VTCN1: variants seen among roughly 807,000 people sequenced by gnomAD.
VTCN1 encodes the protein V-set domain containing T cell activation inhibitor 1.
Under a neutral mutation model 26.5 loss-of-function variants are expected in VTCN1, and 26 were observed. The observed-to-expected ratio is 0.98, with a 90% CI of 0.72 to 1.36. The LOEUF is 1.36. Ranked by LOEUF, VTCN1 falls within the 40% of genes most tolerant of loss-of-function variation. VTCN1 has a pLI of 0.00. For missense variants in VTCN1, 298 were observed against 337.7 expected (o/e 0.88, Z 0.92); for synonymous variants, 116 against 130.7 (o/e 0.89, Z 0.77).
At chr1:117,206,670 CTGTTG>C (rs746239217) in intron 1 of VTCN1, among the ~76,000 whole-genome samples, 140,848 of 152,160 alleles carry the variant, frequency 0.93, 65,466 homozygotes, top group Non-Finnish European at 0.97. Context: ...ATATTCATAT[CTGTTG>C]ATGCTGACTA....
In VTCN1 at chr1:117,156,817, C is replaced by T. The variant is rs368878065; in HGVS notation, c.202G>A (p.Val68Met). Reference sequence around the variant, plus strand: ...ACACCTTCCTTCAGCCATTGTATCACGATATCAGAAAGTTTGATGTCAGGT... The same window carrying T: ...ACACCTTCCTTCAGCCATTGTATCATGATATCAGAAAGTTTGATGTCAGGT... ...FEPDIKLSDI[V>M]IQWLKEGVLG... The change falls in exon 3 of 6, where the codon GTG becomes ATG. Residue 68 changes from valine (V) to methionine (M), a missense_variant. Physicochemically the swap from Val to Met is conservative, Grantham distance 21. Coordinates refer to ENST00000369458, the MANE Select transcript of VTCN1 (RefSeq NM_024626.4). 130 of 1,614,034 alleles carry T rather than the reference C, an allele frequency of 8.1e-5. No individual in the cohort carries two copies. Among genetic ancestry groups the T allele is most frequent in the South Asian group, 5.1e-4 (46 of 91,068 alleles).
intron 4 of VTCN1, 39 bp downstream of exon 4, chr1:117,153,048 CTCTT>C: frequency 6.4e-7 from 1 of 1,564,338 alleles, no homozygotes; most frequent in Non-Finnish European, 8.7e-7. Context: ...TTAGATTTTA[CTCTT>C]TCCCCAGTAA....
At chr1:117,197,826 G>A (rs1276856699) in intron 1 of VTCN1, among the ~76,000 whole-genome samples, 1 of 152,104 alleles carries the variant, frequency 6.6e-6, no homozygotes. Flanking sequence ...AAAATGAGAG[G>A]TAAGGATCTG....
intron 1 of VTCN1, among the ~76,000 whole-genome samples, chr1:117,187,309 CAAAAAAA>C (rs11415949): frequency 1.4e-5 from 1 of 73,254 alleles, no homozygotes; most frequent in Admixed American, 1.8e-4. Flanking sequence ...GACCTTGTCT[CAAAAAAA>C]AAAAAAAAAA....
At chr1:117,205,091 GT>G (rs1648981467) in intron 1 of VTCN1, among the ~76,000 whole-genome samples, 1 of 5,700 alleles carries the variant, frequency 1.8e-4, no homozygotes, top group Non-Finnish European at 1.5e-3. Flanking sequence ...GTATATGTAT[GT>G]ATGTATATGT....
intron 1 of VTCN1, chr1:117,170,431 G>A: frequency 1.9e-6 from 1 of 531,558 alleles, no homozygotes; most frequent in Non-Finnish European, 3.6e-6. Flanking sequence ...CCTATTTCCA[G>A]ATCAGGGAAG....
chr1:117,204,121 T>C (rs930858148), intron 1 of VTCN1, among the ~76,000 whole-genome samples: 5 of 152,236 alleles, frequency 3.3e-5, no homozygotes, highest in Non-Finnish European at 7.3e-5. Context: ...TTGTTGGACT[T>C]GTCATTCCTC....
Position 117,175,288 on chromosome 1 carries a change from TAGAC to T in VTCN1, c.33-5121_33-5118del, listed in dbSNP as rs1287246985. On this transcript the variant is annotated intron_variant, in intron 1 of 5. Transcript: ENST00000369458. This position sits in a 1 kb window ranked among gnomAD's most constrained non-coding sequence, Gnocchi z 4.2. Reference sequence around the variant, plus strand: ...ATAACTAGTACCTCGGGAGATAACTTAGACAGACAAGGCAGGCACTCAGTAGGGC... The same window carrying T: ...ATAACTAGTACCTCGGGAGATAACTTAGACAAGGCAGGCACTCAGTAGGGC... Among the ~76,000 whole-genome samples the T allele has an allele frequency of 2.0e-5, 3 of 152,126 alleles. No individual in the cohort carries two copies. The highest frequency in any genetic ancestry group is 4.4e-5 in the Non-Finnish European group (3 of 68,036).
At chr1:117,208,203 G>A (rs1649194070) in intron 1 of VTCN1, among the ~76,000 whole-genome samples, 1 of 152,206 alleles carries the variant, frequency 6.6e-6, no homozygotes, top group Admixed American at 6.5e-5. Context: ...ATGTTATGAT[G>A]ATAATACACA....
chr1:117,194,260 A>G (rs1356919295), intron 1 of VTCN1, among the ~76,000 whole-genome samples: 1 of 152,148 alleles, frequency 6.6e-6, no homozygotes, highest in Non-Finnish European at 1.5e-5. Flanking sequence ...CTAACGGGCA[A>G]ATGAAAAGGT....
At chr1:117,188,160 A>G (rs1648055731) in intron 1 of VTCN1, among the ~76,000 whole-genome samples, 1 of 152,212 alleles carries the variant, frequency 6.6e-6, no homozygotes, top group African/African-American at 2.4e-5. Flanking sequence ...GGGGAACACC[A>G]TGGATTAGAA....
chr1:117,163,911 CTG>C (rs1424555171), intron 2 of VTCN1, among the ~76,000 whole-genome samples: 9 of 152,186 alleles, frequency 5.9e-5, no homozygotes, highest in Admixed American at 4.6e-4. Context: ...TCTAAATAAA[CTG>C]TGCAATGTTT....
chr1:117,201,938 C>T (rs1648810325), intron 1 of VTCN1, among the ~76,000 whole-genome samples: 2 of 152,228 alleles, frequency 1.3e-5, no homozygotes, highest in Admixed American at 6.5e-5. Flanking sequence ...ATCTCAGCTT[C>T]TTGCCTCCCT....
chr1:117,166,830 A>G (rs1652638171), intron 2 of VTCN1, among the ~76,000 whole-genome samples: 1 of 151,998 alleles, frequency 6.6e-6, no homozygotes, highest in Non-Finnish European at 1.5e-5. Flanking sequence ...AGTGGCTCAC[A>G]CCTGTAATCC....
At chr1:117,170,259 TA>T in intron 1 of VTCN1, 88 bp from the exon 2 acceptor site, 1 of 1,229,234 alleles carries the variant, frequency 8.1e-7, no homozygotes, top group African/African-American at 1.5e-5. Flanking sequence ...CTGTTGTGGA[TA>T]AGATGAGTTA....
intron 1 of VTCN1, among the ~76,000 whole-genome samples, chr1:117,205,178 G>GA (rs1648993722): frequency 3.2e-5 from 4 of 123,086 alleles, no homozygotes; most frequent in Middle Eastern, 4.4e-3. Flanking sequence ...AGAGAGAGAG[G>GA]GGGGTCTCGC....
chr1:117,186,908 G>GA (rs978471840), intron 1 of VTCN1, among the ~76,000 whole-genome samples: 51 of 152,070 alleles, frequency 3.4e-4, no homozygotes, highest in African/African-American at 1.2e-3. Context: ...CCCTGTTCTT[G>GA]AATTCCTTAG....
At chr1:117,174,766 C>T (rs1647229193) in intron 1 of VTCN1, among the ~76,000 whole-genome samples, 1 of 152,102 alleles carries the variant, frequency 6.6e-6, no homozygotes, top group South Asian at 2.1e-4. Flanking sequence ...CAGAGATAAT[C>T]AAAGTGCATT....
chr1:117,149,632 T>C (rs758527192), intron 4 of VTCN1, among the ~76,000 whole-genome samples: 2 of 151,786 alleles, frequency 1.3e-5, no homozygotes, highest in East Asian at 1.9e-4. Flanking sequence ...CTCTTTCCCA[T>C]AGGTACTAAA....
Sources: allele counts gnomAD v4.1 joint callset (sites outside exome capture counted in the v4.1 genomes callset), GRCh38; gene constraint gnomAD v4.1.1; non-coding constraint Gnocchi (gnomAD v3.1); transcripts MANE v1.5; gene names NCBI Gene and HGNC (gene_info 2026-07-23, HGNC 2026-07-21).